Variants in AXDND1 observed in about 807,000 individuals in gnomAD.
The protein encoded by AXDND1 is axonemal dynein light chain domain containing 1.
A neutral mutation model predicts 137.5 loss-of-function variants in AXDND1; 110 were observed. The ratio of observed to expected loss-of-function variants is 0.80; its 90% CI spans 0.69 to 0.94. The LOEUF (loss-of-function observed/expected upper bound fraction) is 0.94, where lower values mean the gene tolerates loss of function less well. Ranked by LOEUF, AXDND1 falls within the 40% of genes least tolerant of loss-of-function variation. The pLI is 0.00. For missense variants in AXDND1, 1,191 were observed against 1,169.8 expected (o/e 1.02, Z -0.26); for synonymous variants, 414 against 399.7 (o/e 1.04, Z -0.43).
At chr1:179,477,236 A>G (rs553443894) in intron 17 of AXDND1, among the ~76,000 whole-genome samples, 3 of 151,902 alleles carry the variant, frequency 2.0e-5, no homozygotes, top group Non-Finnish European at 4.4e-5. Flanking sequence ...TATTTGCTGC[A>G]ACATTGTTAT....
intron 12 of AXDND1, among the ~76,000 whole-genome samples, chr1:179,415,767 C>T (rs1010425905): frequency 6.6e-6 from 1 of 151,782 alleles, no homozygotes; most frequent in African/African-American, 2.4e-5. Context: ...TGCAGTGGCG[C>T]GATCTCTGCT....
chr1:179,430,661 C>T, intron 14 of AXDND1, 55 bp downstream of exon 14: 1 of 1,535,390 alleles, frequency 6.5e-7, no homozygotes, highest in Non-Finnish European at 8.9e-7. Flanking sequence ...ATAACTCAGT[C>T]AAATTCTCTG....
chr1:179,529,707 G>A lies in AXDND1; in HGVS notation c.2715+1276G>A, dbSNP rs139991883. ...GCATCAGACTCTCAATCTCTCCTGG[G>A]TCCTGGAAAGGCATAGAAAGGGGAA... On this transcript the variant is annotated intron_variant, in intron 23 of 25. Transcript: ENST00000367618. Among the ~76,000 whole-genome samples the A allele has an allele frequency of 9.5e-3, 1,446 of 152,236 alleles. 27 individuals are homozygous for A. Among genetic ancestry groups the A allele is most frequent in the African/African-American group, 0.033 (1,364 of 41,550 alleles).
rs982046208 is a variant in AXDND1 at position 179,448,114 on chromosome 1, T to C, written c.1798+2910T>C. On this transcript the variant is annotated intron_variant, in intron 16 of 25. Transcript: ENST00000367618. ...ATTATCAAATTCCTCATTAATTATTTTTCTTCTGTATATGGAGTTAGCACA... is the reference window on the plus strand; with the variant it reads ...ATTATCAAATTCCTCATTAATTATTCTTCTTCTGTATATGGAGTTAGCACA... 3 of 1,022,482 alleles carry C rather than the reference T, an allele frequency of 2.9e-6. No homozygotes were observed. The African/African-American group carries it at 4.7e-5, about 16-fold the overall frequency. 63.3% of individuals were successfully genotyped at this position (1,022,482 alleles called of 1,614,324 possible).
In AXDND1 at chr1:179,446,699, G is replaced by A. The variant is rs183072472; in HGVS notation, c.1798+1495G>A. Among the ~76,000 whole-genome samples the A allele has an allele frequency of 7.2e-5, 11 of 152,160 alleles. No homozygotes were observed. In the East Asian group the frequency reaches 2.1e-3, roughly 29 times the overall value. ...TCTTTGCCCATATTTTATTTAGGTTGTCTTTTTATTATTGAGTTATAAGAC... is the reference window on the plus strand; with the variant it reads ...TCTTTGCCCATATTTTATTTAGGTTATCTTTTTATTATTGAGTTATAAGAC... On this transcript the variant is annotated intron_variant, in intron 16 of 25. Transcript: ENST00000367618.
intron 25 of AXDND1, among the ~76,000 whole-genome samples, chr1:179,546,848 G>A (rs777130850): frequency 6.6e-6 from 1 of 152,076 alleles, no homozygotes; most frequent in Non-Finnish European, 1.5e-5. Context: ...AGTGCGCGTG[G>A]GCTCCAGGAG....
At chr1:179,533,358 C>T (rs563224730) in intron 23 of AXDND1, among the ~76,000 whole-genome samples, 80 of 152,194 alleles carry the variant, frequency 5.3e-4, no homozygotes, top group African/African-American at 1.9e-3. Flanking sequence ...AGGAATTTAA[C>T]GACTTCATTG....
At chr1:179,490,769 T>TTC in intron 18 of AXDND1, among the ~76,000 whole-genome samples, 1 of 152,014 alleles carries the variant, frequency 6.6e-6, no homozygotes, top group East Asian at 1.9e-4. Flanking sequence ...CTTGTTTTTT[T>TTC]TTTTTTTATC....
At chr1:179,473,064 T>A (rs1664158214) in intron 17 of AXDND1, among the ~76,000 whole-genome samples, 1 of 152,106 alleles carries the variant, frequency 6.6e-6, no homozygotes, top group African/African-American at 2.4e-5. Context: ...GTTTCATGAC[T>A]TTTTTGTTTC....
chr1:179,527,021 G>T (rs1670593390), intron 22 of AXDND1, among the ~76,000 whole-genome samples: 1 of 152,178 alleles, frequency 6.6e-6, no homozygotes, highest in East Asian at 1.9e-4. Flanking sequence ...TCTTGCACAA[G>T]AAAGAATTCA....
At chr1:179,381,201 T>G (rs934870525) in intron 6 of AXDND1, among the ~76,000 whole-genome samples, 1 of 148,560 alleles carries the variant, frequency 6.7e-6, no homozygotes, top group Non-Finnish European at 1.5e-5. Context: ...CCACGGTGCC[T>G]GGCTAATTTT....
In AXDND1 at chr1:179,386,016, G is replaced by T. The variant is rs182354700; in HGVS notation, c.863+657G>T. Among the ~76,000 whole-genome samples the T allele has an allele frequency of 4.5e-4, 65 of 143,994 alleles. No homozygotes were observed. The East Asian group carries it at 0.011, about 25-fold the overall frequency. 94.5% of individuals were successfully genotyped at this position (143,994 alleles called of 152,430 possible). A position where few individuals can be genotyped will look rare whatever the true frequency, so the allele number is the denominator to read the frequency against. On this transcript the variant is annotated intron_variant, in intron 9 of 25. Coordinates refer to ENST00000367618, the MANE Select transcript of AXDND1 (RefSeq NM_144696.6). ...GTCTTTATTCCCCCAAACGTAATGT[G>T]TGTTTTTCCTGGAGCTGATTTTAGG...
chr1:179,535,747 G>A (rs1386728453), intron 25 of AXDND1, among the ~76,000 whole-genome samples: 1 of 152,180 alleles, frequency 6.6e-6, no homozygotes, highest in Non-Finnish European at 1.5e-5. Flanking sequence ...CCAGTAATGG[G>A]ATTGCTGGGT....
intron 17 of AXDND1, among the ~76,000 whole-genome samples, chr1:179,475,290 G>C (rs1407452539): frequency 6.6e-6 from 1 of 152,216 alleles, no homozygotes; most frequent in African/African-American, 2.4e-5. Context: ...CCTCAGAATA[G>C]TAGATGCATC....
chr1:179,434,684 G>A (rs1021209611), intron 15 of AXDND1, among the ~76,000 whole-genome samples: 13 of 152,000 alleles, frequency 8.6e-5, no homozygotes, highest in African/African-American at 2.7e-4. Flanking sequence ...AATAAACTAG[G>A]TATTGATAGA....
At chr1:179,462,534 TTGGTATCAGGATGATTC>T (rs1410387628) in intron 16 of AXDND1, among the ~76,000 whole-genome samples, 1 of 152,188 alleles carries the variant, frequency 6.6e-6, no homozygotes, top group Non-Finnish European at 1.5e-5. Context: ...CTGCCAGGCT[TTGGTATCAGGATGATTC>T]TGGCCTCATA....
chr1:179,488,643 C>CTTTCTT (rs1666420749), intron 18 of AXDND1, among the ~76,000 whole-genome samples: 2 of 54,404 alleles, frequency 3.7e-5, no homozygotes, highest in African/African-American at 1.5e-4. Flanking sequence ...TCCTTTCTTT[C>CTTTCTT]TTTCTTTCTT....
At chr1:179,445,831 A>G (rs76245180) in intron 16 of AXDND1, among the ~76,000 whole-genome samples, 2 of 152,322 alleles carry the variant, frequency 1.3e-5, no homozygotes, top group East Asian at 1.9e-4. Flanking sequence ...TTCCTGGTAG[A>G]AATATGTTTT....
chr1:179,525,595 C>T (rs1670461754), intron 22 of AXDND1, 148 bp downstream of exon 22: 3 of 930,894 alleles, frequency 3.2e-6, no homozygotes, highest in Non-Finnish European at 4.5e-6. Context: ...CTCTGGGGCT[C>T]AAATGATCCT....
Sources: gnomAD v4.1 joint callset for allele counts (sites outside exome capture counted in the v4.1 genomes callset) on GRCh38, gnomAD v4.1.1 for gene constraint, MANE v1.5 for transcripts, NCBI Gene and HGNC (gene_info 2026-07-23, HGNC 2026-07-21) for gene names.